WASF3: variants seen among roughly 807,000 people sequenced by gnomAD.
WASF3 encodes WASP family member 3.
In WASF3, 11 loss-of-function variants were observed where a neutral mutation model predicts 46.6. The observed-to-expected ratio is 0.24, with a 90% CI of 0.15 to 0.39. The LOEUF (loss-of-function observed/expected upper bound fraction) is 0.39, where lower values mean the gene tolerates loss of function less well. WASF3 is among the 10% of genes least tolerant of loss of function. The pLI, the probability that WASF3 is intolerant of heterozygous loss-of-function variation, is 1.00. For synonymous variants in WASF3, 242 were observed against 259.7 expected (o/e 0.93, Z 0.65); for missense variants, 576 against 669.8 (o/e 0.86, Z 1.55).
intron 3 of WASF3, among the ~76,000 whole-genome samples, chr13:26,663,443 T>G (rs953409496): frequency 6.6e-6 from 1 of 152,332 alleles, no homozygotes; most frequent in Middle Eastern, 3.4e-3. Flanking sequence ...GGAACCATTT[T>G]GCATATTATG....
chr13:26,549,310 A>G, the WASF3 span, among the ~76,000 whole-genome samples: 4 of 151,930 alleles, frequency 2.6e-5, no homozygotes, highest in East Asian at 7.7e-4. Context: ...TTGACTCATG[A>G]GTATTGCTTT....
At chr13:26,576,926 A>G (rs963846588) in intron 1 of WASF3, 8 of 776,296 alleles carry the variant, frequency 1.0e-5, no homozygotes, top group East Asian at 2.6e-5. Context: ...AAAGGAGGCA[A>G]AAAGGGAGCC....
intron 1 of WASF3, among the ~76,000 whole-genome samples, chr13:26,559,922 A>G (rs1198644882): frequency 2.1e-5 from 3 of 143,490 alleles, no homozygotes; most frequent in African/African-American, 7.9e-5. Flanking sequence ...GGTTCAAGCG[A>G]TTCTCCTGCC....
intron 3 of WASF3, among the ~76,000 whole-genome samples, chr13:26,651,718 T>C (rs1882321112): frequency 6.6e-6 from 1 of 152,184 alleles, no homozygotes; most frequent in African/African-American, 2.4e-5. Flanking sequence ...AGGTCATCAA[T>C]AATTAGGTCT....
intron 2 of WASF3, among the ~76,000 whole-genome samples, chr13:26,634,139 T>C (rs1322838872): frequency 1.3e-5 from 2 of 152,226 alleles, no homozygotes; most frequent in African/African-American, 4.8e-5. Flanking sequence ...CTTGTAGGTC[T>C]CTAAAGACTT....
chr13:26,564,245 T>TA (rs1879389219), intron 1 of WASF3, among the ~76,000 whole-genome samples: 1 of 152,210 alleles, frequency 6.6e-6, no homozygotes, highest in Admixed American at 6.5e-5. Context: ...ACAAACTCCT[T>TA]GTTGGCAGGA....
At chr13:26,539,197 G>C in the WASF3 span, among the ~76,000 whole-genome samples, 2 of 152,124 alleles carry the variant, frequency 1.3e-5, no homozygotes, top group Non-Finnish European at 2.9e-5. Flanking sequence ...ATATCAAATT[G>C]AGCCTGGAGG....
At chr13:26,583,175 G>A (rs17084354) in intron 1 of WASF3, among the ~76,000 whole-genome samples, 1 of 152,062 alleles carries the variant, frequency 6.6e-6, no homozygotes, top group Admixed American at 6.6e-5. Flanking sequence ...TGGGTTAAGT[G>A]TCTTTAGTTA....
chr13:26,618,339 A>C lies in WASF3; in HGVS notation c.-11+5281A>C, dbSNP rs548600322. ...ACACCTGAATATATACGTCTTTTAAAAACTTGCAACACATTTGCAATTAAA... is the reference window on the plus strand; with the variant it reads ...ACACCTGAATATATACGTCTTTTAACAACTTGCAACACATTTGCAATTAAA... On this transcript the variant is annotated intron_variant, in intron 2 of 9. Coordinates refer to ENST00000335327, the MANE Select transcript of WASF3 (RefSeq NM_006646.6). Among the ~76,000 whole-genome samples the C allele has an allele frequency of 1.1e-3, 164 of 152,288 alleles. 1 individual carries two copies. The highest frequency in any genetic ancestry group is 3.5e-3 in the South Asian group (17 of 4,818).
At chr13:26,667,905 G>A (rs181363569) in intron 5 of WASF3, among the ~76,000 whole-genome samples, 71 of 152,332 alleles carry the variant, frequency 4.7e-4, no homozygotes, top group African/African-American at 1.0e-3. Flanking sequence ...CAGTAGAAAT[G>A]TGAGTTCTGA....
the WASF3 span, among the ~76,000 whole-genome samples, chr13:26,552,241 A>G: frequency 6.6e-6 from 1 of 152,208 alleles, no homozygotes; most frequent in African/African-American, 2.4e-5. Flanking sequence ...CAGACCACAT[A>G]TCCAATAGAT....
At chr13:26,554,916 C>A (rs764604737), upstream of WASF3, among the ~76,000 whole-genome samples, 4 of 152,070 alleles carry the variant, frequency 2.6e-5, no homozygotes, top group South Asian at 8.3e-4. Context: ...GATGGCTGGA[C>A]TGAATTGTGA....
At position 26,606,321 on chromosome 13, in the gene WASF3, CGTGTGTGTGTGTGT is replaced by C. The variant is rs60865367; in HGVS notation, c.-108-6609_-108-6596del. ...CTCTTTTTTCTTTTCTCTTTTTTTT[CGTGTGTGTGTGTGT>C]GTGTGTGTGTGTGTGTGTGTGTGTG... is the stretch of plus-strand genomic sequence containing the variant. On this transcript the variant is annotated intron_variant, in intron 1 of 9. Coordinates refer to ENST00000335327, the MANE Select transcript of WASF3 (RefSeq NM_006646.6). Among the ~76,000 whole-genome samples, 120 of 132,048 alleles carry C rather than the reference CGTGTGTGTGTGTGT, an allele frequency of 9.1e-4. 1 individual carries two copies. Among genetic ancestry groups the C allele is most frequent in the Middle Eastern group, 3.8e-3 (1 of 262 alleles). The allele number at this position is 132,048 out of a possible 152,430, so 86.6% of individuals were successfully genotyped here. A position where few individuals can be genotyped will look rare whatever the true frequency, so the allele number is the denominator to read the frequency against.
the WASF3 span, among the ~76,000 whole-genome samples, chr13:26,540,735 C>T: frequency 1.5e-3 from 232 of 152,288 alleles, 1 homozygote; most frequent in African/African-American, 5.2e-3. Context: ...GGGTTTTCTT[C>T]CTTGGTTCAG....
At chr13:26,543,579 C>T in the WASF3 span, among the ~76,000 whole-genome samples, 3 of 152,036 alleles carry the variant, frequency 2.0e-5, no homozygotes, top group South Asian at 2.1e-4. Flanking sequence ...GGAGAAAGGG[C>T]GAACAGATGG....
chr13:26,629,080 C>A (rs1421129659), intron 2 of WASF3, among the ~76,000 whole-genome samples: 1 of 152,238 alleles, frequency 6.6e-6, no homozygotes, highest in African/African-American at 2.4e-5. Context: ...TCGATGGGCC[C>A]ACGCTCGACG....
intron 1 of WASF3, among the ~76,000 whole-genome samples, chr13:26,578,256 T>C (rs1429028693): frequency 6.6e-6 from 1 of 151,996 alleles, no homozygotes; most frequent in Non-Finnish European, 1.5e-5. Flanking sequence ...TTAAGTGTGA[T>C]TTTAGTTGTT....
upstream of WASF3, among the ~76,000 whole-genome samples, chr13:26,554,012 C>A (rs1879025562): frequency 8.5e-6 from 1 of 116,998 alleles, no homozygotes; most frequent in South Asian, 3.1e-4. Flanking sequence ...CCTTTCCTTT[C>A]CTTCCCTTCC....
the WASF3 span, among the ~76,000 whole-genome samples, chr13:26,540,277 A>G: frequency 5.3e-5 from 8 of 152,202 alleles, no homozygotes; most frequent in Non-Finnish European, 1.0e-4. Flanking sequence ...TCCCAAGGCA[A>G]CAGGATCTGC....
Sources: gnomAD v4.1 joint callset for allele counts (sites outside exome capture counted in the v4.1 genomes callset) on GRCh38, gnomAD v4.1.1 for gene constraint, MANE v1.5 for transcripts, NCBI Gene and HGNC (gene_info 2026-07-23, HGNC 2026-07-21) for gene names.